Variants in TEX11 observed in about 807,000 individuals in gnomAD.
The protein encoded by TEX11 is testis-expressed protein 11.
In TEX11, 7 loss-of-function variants were observed where a neutral mutation model predicts 84.4. The observed-to-expected ratio is 0.08, with a 90% CI of 0.05 to 0.16. The LOEUF is 0.16. Ranked by LOEUF, TEX11 falls within the 10% of genes least tolerant of loss-of-function variation. TEX11 has a pLI of 1.00. For synonymous variants in TEX11, 264 were observed against 222.8 expected (o/e 1.18, Z -1.64); for missense variants, 551 against 660.5 (o/e 0.83, Z 1.82).
intron 9 of TEX11, among the ~76,000 whole-genome samples, chrX:70,802,176 A>G (rs769744095): frequency 1.8e-5 from 2 of 111,741 alleles, no homozygotes; most frequent in Non-Finnish European, 3.8e-5. Context: ...TTCAAAATGC[A>G]GGAAGCTACC....
chrX:70,898,399 C>T (rs1263423917), intron 2 of TEX11, among the ~76,000 whole-genome samples: 1 of 110,700 alleles, frequency 9.0e-6, no homozygotes, highest in African/African-American at 3.3e-5. Flanking sequence ...GATTTCCAGG[C>T]AGATACTGAG....
chrX:70,800,424 A>AG (rs2147802848), intron 9 of TEX11, among the ~76,000 whole-genome samples: 1 of 110,960 alleles, frequency 9.0e-6, no homozygotes, highest in Admixed American at 9.6e-5. Flanking sequence ...ATAAAAATAA[A>AG]GGATTTTTTT....
intron 15 of TEX11, among the ~76,000 whole-genome samples, chrX:70,671,879 T>TGA (rs1312115433): frequency 6.6e-4 from 25 of 38,140 alleles, no homozygotes; most frequent in East Asian, 3.9e-3. Flanking sequence ...ACAATTGTTT[T>TGA]GATATATATA....
chrX:70,686,629 C>A (rs188582090), intron 13 of TEX11, among the ~76,000 whole-genome samples: 1,780 of 108,654 alleles, frequency 0.016, 39 homozygotes, highest in African/African-American at 0.057. Flanking sequence ...GTGCAGCAAA[C>A]CACCATGGCA....
chrX:70,871,615 G>A (rs753807174), intron 4 of TEX11, among the ~76,000 whole-genome samples: 20 of 111,263 alleles, frequency 1.8e-4, no homozygotes, highest in Non-Finnish European at 3.0e-4. Flanking sequence ...GGCCTCCTGC[G>A]CTGATAATCT....
At chrX:70,572,200 A>G (rs1402162367) in intron 25 of TEX11, among the ~76,000 whole-genome samples, 1 of 111,069 alleles carries the variant, frequency 9.0e-6, no homozygotes, top group Non-Finnish European at 1.9e-5. Context: ...GGATATGAAC[A>G]GACACTTCTC....
intron 4 of TEX11, among the ~76,000 whole-genome samples, chrX:70,863,809 C>A (rs181592205): frequency 3.8e-4 from 42 of 111,316 alleles, no homozygotes; most frequent in African/African-American, 1.3e-3. Context: ...CTACCCAATG[C>A]AAGGAAGCTA....
chrX:70,708,945 C>A (rs1438550816), intron 13 of TEX11, among the ~76,000 whole-genome samples: 1 of 108,930 alleles, frequency 9.2e-6, no homozygotes, highest in Non-Finnish European at 1.9e-5. Flanking sequence ...AAAAAAAACT[C>A]CTTTTCCCAT....
At chrX:70,729,708 G>C (rs1639141310) in intron 11 of TEX11, among the ~76,000 whole-genome samples, 1 of 111,974 alleles carries the variant, frequency 8.9e-6, no homozygotes, top group Non-Finnish European at 1.9e-5. Flanking sequence ...GTGACAGGGA[G>C]AATGGAACCA....
intron 29 of TEX11, 62 bp downstream of exon 29, chrX:70,529,773 G>C: frequency 9.1e-7 from 1 of 1,096,890 alleles, no homozygotes; most frequent in Non-Finnish European, 1.2e-6. Flanking sequence ...CTTGTGGAGA[G>C]CCCAGCCATA....
rs191125903 is a variant in TEX11, at chrX:70,635,779, C to T, written c.1484-6044G>A. 7.9e-3 allele frequency among the ~76,000 whole-genome samples: 880 copies of T among 110,729 alleles called. 17 individuals carry two copies. Among genetic ancestry groups the T allele is most frequent in the Non-Finnish European group, 5.3e-3 (278 of 52,755 alleles). On this transcript the variant is annotated intron_variant, in intron 17 of 29. Coordinates refer to ENST00000374333, the MANE Select transcript of TEX11 (RefSeq NM_031276.3). ...CTACTCAGTGCCAGGCCAGCCCCTG[C>T]AGCCCCAGGATCCAGGCATACCCCA...
At chrX:70,874,622 G>A (rs957752061) in intron 3 of TEX11, among the ~76,000 whole-genome samples, 5 of 106,284 alleles carry the variant, frequency 4.7e-5, no homozygotes, top group African/African-American at 6.8e-5. Flanking sequence ...GACTGGTCTC[G>A]AACTCCTGAC....
chrX:70,798,901 T>TG (rs34856732), intron 9 of TEX11, among the ~76,000 whole-genome samples: 43,990 of 109,804 alleles, frequency 0.4, 7,443 homozygotes, highest in East Asian at 0.55. Context: ...AGAAGAAAAC[T>TG]GGGGGAAAGC....
intron 25 of TEX11, among the ~76,000 whole-genome samples, chrX:70,587,256 A>G (rs899098001): frequency 2.7e-5 from 3 of 112,311 alleles, no homozygotes; most frequent in Non-Finnish European, 5.6e-5. Flanking sequence ...GTTAATCACA[A>G]AGACAATAGG....
intron 13 of TEX11, among the ~76,000 whole-genome samples, chrX:70,720,308 G>C (rs956432168): frequency 2.7e-5 from 3 of 110,760 alleles, no homozygotes; most frequent in African/African-American, 6.6e-5. Flanking sequence ...TCATAGGTGG[G>C]AATTGAACAA....
chrX:70,673,010 C>T lies in TEX11; in HGVS notation c.1243-2496G>A, dbSNP rs776167512. The T allele has an allele frequency of 6.1e-4, 76 of 125,268 alleles. 1 individual carries two copies. The highest frequency in any genetic ancestry group is 4.3e-3 in the Middle Eastern group (1 of 231). 10.3% of individuals were successfully genotyped at this position (125,268 alleles called of 1,213,427 possible). A position where few individuals can be genotyped will look rare whatever the true frequency, so the allele number is the denominator to read the frequency against. On this transcript the variant is annotated intron_variant, in intron 15 of 29. Coordinates refer to ENST00000374333, the MANE Select transcript of TEX11 (RefSeq NM_031276.3). ...GACTACCTTGCTGTGAATGGTGCAA[C>T]TCATGCAGTAATGTAGCTTCACAAA... is the stretch of plus-strand genomic sequence containing the variant.
chrX:70,654,820 C>G (rs1419172599), intron 16 of TEX11, among the ~76,000 whole-genome samples: 1 of 108,772 alleles, frequency 9.2e-6, no homozygotes, highest in African/African-American at 3.3e-5. Flanking sequence ...ACGAAATGCC[C>G]TAGTTAAAAA....
At chrX:70,852,974 C>T in intron 7 of TEX11, 60 bp downstream of exon 7, 1 of 1,127,180 alleles carries the variant, frequency 8.9e-7, no homozygotes, top group Non-Finnish European at 1.2e-6. Context: ...TATATCATCA[C>T]TTTTACTTTT....
rs191921666 is a variant in TEX11 at position 70,850,808 on chromosome X, G to A, written c.525+2226C>T. On this transcript the variant is annotated intron_variant, in intron 7 of 29. Coordinates refer to ENST00000374333, the MANE Select transcript of TEX11 (RefSeq NM_031276.3). ...GGTCTGGCCAGGCATGGTGGCTCAC[G>A]CCTGTAATCCCAGCACTTTGAGAGG... 2.6e-4 allele frequency among the ~76,000 whole-genome samples: 29 copies of A among 110,363 alleles called. No individual in the cohort carries two copies. The East Asian group carries it at 7.1e-3, about 27-fold the overall frequency.
Sources: gnomAD v4.1 joint callset for allele counts (sites outside exome capture counted in the v4.1 genomes callset) on GRCh38, gnomAD v4.1.1 for gene constraint, MANE v1.5 for transcripts, NCBI Gene and HGNC (gene_info 2026-07-23, HGNC 2026-07-21) for gene names.